MICAL2: variants seen among roughly 807,000 people sequenced by gnomAD.
MICAL2 encodes [F-actin]-monooxygenase MICAL2.
A neutral mutation model predicts 127.3 loss-of-function variants in MICAL2; 77 were observed. The ratio of observed to expected loss-of-function variants is 0.60; its 90% CI spans 0.50 to 0.73. The LOEUF (loss-of-function observed/expected upper bound fraction) is 0.73. Ranked by LOEUF, MICAL2 falls within the 30% of genes least tolerant of loss-of-function variation. The pLI, the probability that MICAL2 is intolerant of heterozygous loss-of-function variation, is 0.00. For synonymous variants in MICAL2, 570 were observed against 551.1 expected, an observed-to-expected ratio of 1.03 and a Z score of -0.48; for missense variants, 1,351 against 1,434.4, an observed-to-expected ratio of 0.94 and a Z score of 0.94.
At chr11:12,224,971 A>G in intron 13 of MICAL2, 151 bp downstream of exon 13, 1 of 1,056,784 alleles carries the variant, frequency 9.5e-7, no homozygotes, top group Non-Finnish European at 1.3e-6. Context: ...CTTTGCACTG[A>G]TTACTCTGTC....
intron 16 of MICAL2, among the ~76,000 whole-genome samples, chr11:12,238,643 T>G (rs182148711): frequency 5.5e-5 from 6 of 109,518 alleles, no homozygotes; most frequent in Admixed American, 5.4e-4. Context: ...TGAAATGCAG[T>G]GTGGGATCCT....
At chr11:12,125,968 G>A (rs1239819698) in intron 1 of MICAL2, among the ~76,000 whole-genome samples, 2 of 152,224 alleles carry the variant, frequency 1.3e-5, no homozygotes, top group South Asian at 4.1e-4. Flanking sequence ...GCTTGAGTCA[G>A]GGCTCTGCAG....
chr11:12,185,756 A>G (rs1858159712), intron 3 of MICAL2, among the ~76,000 whole-genome samples: 1 of 152,160 alleles, frequency 6.6e-6, no homozygotes, highest in Non-Finnish European at 1.5e-5. Flanking sequence ...GTCCAAACCC[A>G]TATACAGTGT....
chr11:12,204,542 G>T, intron 4 of MICAL2, 85 bp downstream of exon 4: 2 of 1,376,930 alleles, frequency 1.5e-6, no homozygotes, highest in Non-Finnish European at 1.0e-6. Context: ...GGAGTCCCCA[G>T]CTTGTTCCAT....
chr11:12,248,679 G>C (rs77099342), intron 21 of MICAL2, among the ~76,000 whole-genome samples: 1 of 152,192 alleles, frequency 6.6e-6, no homozygotes, highest in Admixed American at 6.5e-5. Flanking sequence ...GGGTTTACTC[G>C]AGAGATTTGC....
chr11:12,219,902 C>T (rs1287170902), intron 8 of MICAL2, among the ~76,000 whole-genome samples: 1 of 152,178 alleles, frequency 6.6e-6, no homozygotes, highest in African/African-American at 2.4e-5. Flanking sequence ...AATTGCCTCC[C>T]CTGAGGAATT....
downstream of MICAL2, chr11:12,294,777 G>T (rs1339702920): frequency 1.9e-6 from 3 of 1,604,394 alleles, no homozygotes; most frequent in African/African-American, 2.8e-5. Context: ...CCTTTCAAAA[G>T]CACCTCCCTG....
chr11:12,251,343 G>C (rs1861523127), intron 22 of MICAL2, among the ~76,000 whole-genome samples: 1 of 151,906 alleles, frequency 6.6e-6, no homozygotes, highest in Non-Finnish European at 1.5e-5. Context: ...TCAAGAAATA[G>C]AAGATAACCC....
chr11:12,244,182 C>G (rs1280277065), intron 21 of MICAL2, 70 bp downstream of exon 21: 8 of 1,575,252 alleles, frequency 5.1e-6, no homozygotes, highest in Non-Finnish European at 7.0e-6. Flanking sequence ...CTCCACTTGA[C>G]CTGCACAAAC....
At chr11:12,148,834 T>A (rs56320351) in intron 2 of MICAL2, among the ~76,000 whole-genome samples, 73,052 of 151,782 alleles carry the variant, frequency 0.48, 20,308 homozygotes, top group East Asian at 1. Flanking sequence ...GAGGGCAAAT[T>A]ATGCTTCAAA....
At chr11:12,147,805 G>T (rs1377123906) in intron 2 of MICAL2, among the ~76,000 whole-genome samples, 1 of 152,160 alleles carries the variant, frequency 6.6e-6, no homozygotes, top group African/African-American at 2.4e-5. Context: ...GGGTCCCAAA[G>T]TTGGCTGATC....
At chr11:12,269,384 G>A (rs1241194053) in intron 24 of MICAL2, among the ~76,000 whole-genome samples, 1 of 152,234 alleles carries the variant, frequency 6.6e-6, no homozygotes, top group African/African-American at 2.4e-5. Flanking sequence ...GTCAGAAGAA[G>A]AGGGAAGAAA....
At chr11:12,326,301 T>A (rs1219839627) in intron 31 of MICAL2, among the ~76,000 whole-genome samples, 1 of 152,256 alleles carries the variant, frequency 6.6e-6, no homozygotes, top group Non-Finnish European at 1.5e-5. Flanking sequence ...TGCCAAGGGA[T>A]GTGCCTTTTG....
chr11:12,279,569 C>A (rs2134762669), intron 1 of MICAL2, among the ~76,000 whole-genome samples: 1 of 152,296 alleles, frequency 6.6e-6, no homozygotes, highest in South Asian at 2.1e-4. Flanking sequence ...CTCAAACTAG[C>A]TTCGGTAACA....
At chr11:12,350,644 G>A (rs1345211933) in intron 33 of MICAL2, among the ~76,000 whole-genome samples, 2 of 152,114 alleles carry the variant, frequency 1.3e-5, no homozygotes, top group Non-Finnish European at 2.9e-5. Context: ...TGGGTTCTGA[G>A]CCAGGTGAGA....
chr11:12,237,557 AT>A (rs1859257711), intron 16 of MICAL2, among the ~76,000 whole-genome samples: 2 of 152,056 alleles, frequency 1.3e-5, no homozygotes, highest in South Asian at 4.1e-4. Context: ...TGGCTTATTT[AT>A]TTAAGGGTAT....
intron 29 of MICAL2, among the ~76,000 whole-genome samples, chr11:12,306,537 T>C (rs975528503): frequency 3.3e-5 from 5 of 152,224 alleles, no homozygotes; most frequent in Non-Finnish European, 7.4e-5. Context: ...TTGTATATAG[T>C]AATGGAACTG....
chr11:12,170,318 T>C (rs1590173156), intron 3 of MICAL2, among the ~76,000 whole-genome samples: 1 of 151,994 alleles, frequency 6.6e-6, no homozygotes, highest in South Asian at 2.1e-4. Context: ...GGTGTGATGG[T>C]GCATGCCTGT....
intron 21 of MICAL2, among the ~76,000 whole-genome samples, chr11:12,247,189 G>A (rs1017753949): frequency 1.3e-5 from 2 of 152,160 alleles, no homozygotes; most frequent in Admixed American, 1.3e-4. Flanking sequence ...CTTGTCAGAG[G>A]CCCAGAGGCT....
Sources: allele counts gnomAD v4.1 joint callset (sites outside exome capture counted in the v4.1 genomes callset), GRCh38; gene constraint gnomAD v4.1.1; transcripts MANE v1.5; gene names NCBI Gene and HGNC (gene_info 2026-07-23, HGNC 2026-07-21).